The following ARHGAP22 variants were observed in gnomAD, a reference collection of about 807,000 sequenced individuals.
ARHGAP22 encodes rho GTPase-activating protein 22.
Under a neutral mutation model 59.1 loss-of-function variants are expected in ARHGAP22, and 48 were observed. The observed-to-expected ratio is 0.81, with a 90% CI of 0.64 to 1.03. The LOEUF (loss-of-function observed/expected upper bound fraction) is 1.03, where lower values mean the gene tolerates loss of function less well. Among genes scored for constraint, ARHGAP22 ranks in the 50% least tolerant of loss-of-function variants. The pLI, the probability that ARHGAP22 is intolerant of heterozygous loss-of-function variation, is 0.00. For missense variants in ARHGAP22, 1,015 were observed against 958.7 expected (o/e 1.06, Z -0.78); for synonymous variants, 445 against 416.4 (o/e 1.07, Z -0.84).
intron 5 of ARHGAP22, among the ~76,000 whole-genome samples, chr10:48,459,101 G>T (rs1318336683): frequency 1.3e-5 from 2 of 152,014 alleles, no homozygotes; most frequent in Non-Finnish European, 2.9e-5. Context: ...ACTGTCAGGG[G>T]AAACAGAATC....
At chr10:48,622,022 T>C (rs2061302892) in intron 1 of ARHGAP22, among the ~76,000 whole-genome samples, 1 of 152,178 alleles carries the variant, frequency 6.6e-6, no homozygotes, top group Non-Finnish European at 1.5e-5. Flanking sequence ...ATTCAACCTA[T>C]TTGTGTCTTT....
At chr10:48,568,619 C>A (rs973715899) in intron 2 of ARHGAP22, among the ~76,000 whole-genome samples, 1 of 152,254 alleles carries the variant, frequency 6.6e-6, no homozygotes, top group East Asian at 1.9e-4. Context: ...TTTCTCTGAT[C>A]TGGGACTCAG....
intron 3 of ARHGAP22, among the ~76,000 whole-genome samples, chr10:48,502,940 C>G (rs922584589): frequency 6.6e-6 from 1 of 152,206 alleles, no homozygotes; most frequent in Non-Finnish European, 1.5e-5. Flanking sequence ...TCCCGGGGGC[C>G]TACTGGGGTC....
At position 48,583,044 on chromosome 10, in the gene ARHGAP22, C is replaced by T. The variant is rs780187869; in HGVS notation, c.143G>A (p.Arg48Lys). The change falls in exon 2 of 10, where the codon AGG (arginine) becomes AAG (lysine). Residue 48 changes from arginine to lysine, a missense_variant. Coordinates refer to ENST00000249601, the MANE Select transcript of ARHGAP22 (RefSeq NM_021226.4). ...VLKAGWLKKQRSIMKNWQQRW... is the reference protein window; with the variant it reads ...VLKAGWLKKQKSIMKNWQQRW... ...CTGCTGCCAGTTCTTCATGATGCTCCTCTGCTTCTTCAGCCAGCCCGCCTT... is the reference window on the plus strand; with the variant it reads ...CTGCTGCCAGTTCTTCATGATGCTCTTCTGCTTCTTCAGCCAGCCCGCCTT... 52 of 1,614,168 alleles carry T rather than the reference C, an allele frequency of 3.2e-5. No homozygotes were observed. Among genetic ancestry groups the T allele is most frequent in the Admixed American group, 2.3e-4 (14 of 60,014 alleles).
chr10:48,566,680 C>G (rs1240389085), intron 2 of ARHGAP22, among the ~76,000 whole-genome samples: 1 of 152,184 alleles, frequency 6.6e-6, no homozygotes, highest in Non-Finnish European at 1.5e-5. Flanking sequence ...CTGGGAACGC[C>G]CTGCTTCTTC....
chr10:48,588,322 C>A (rs547029362), intron 1 of ARHGAP22, among the ~76,000 whole-genome samples: 2 of 152,344 alleles, frequency 1.3e-5, no homozygotes, highest in South Asian at 4.1e-4. Context: ...GCACTTCCTG[C>A]AGATGCTACT....
At chr10:48,483,651 C>A (rs1242120351) in intron 3 of ARHGAP22, among the ~76,000 whole-genome samples, 1 of 151,930 alleles carries the variant, frequency 6.6e-6, no homozygotes, top group Non-Finnish European at 1.5e-5. Context: ...CATTTCTCTG[C>A]ATTTTTTTCA....
At chr10:48,479,489 G>A (rs1446586720) in intron 4 of ARHGAP22, 147 bp downstream of exon 4, 30 of 1,455,378 alleles carry the variant, frequency 2.1e-5, no homozygotes, top group Non-Finnish European at 2.6e-5. Flanking sequence ...AGGGCTGGCA[G>A]TGGAAGGGCC....
At chr10:48,550,488 T>C (rs1231971850) in intron 3 of ARHGAP22, among the ~76,000 whole-genome samples, 1 of 152,216 alleles carries the variant, frequency 6.6e-6, no homozygotes, top group African/African-American at 2.4e-5. Flanking sequence ...TGCAACTGCA[T>C]TCTGGCCAAT....
intron 5 of ARHGAP22, 115 bp from the exon 6 acceptor site, chr10:48,455,249 G>A (rs540151030): frequency 1.2e-5 from 15 of 1,248,762 alleles, no homozygotes; most frequent in Admixed American, 8.0e-5. Context: ...ATTCTTGGGC[G>A]CACTGGGGGC....
intron 3 of ARHGAP22, among the ~76,000 whole-genome samples, chr10:48,506,573 A>G (rs1243658789): frequency 6.6e-6 from 1 of 152,166 alleles, no homozygotes; most frequent in Non-Finnish European, 1.5e-5. Context: ...CCAGACACGT[A>G]AGAAGTACCC....
chr10:48,604,437 A>T (rs2060562324), intron 1 of ARHGAP22, among the ~76,000 whole-genome samples: 1 of 152,232 alleles, frequency 6.6e-6, no homozygotes, highest in Admixed American at 6.5e-5. Context: ...TTTTTAGTAA[A>T]GAAGCAAAGT....
intron 3 of ARHGAP22, among the ~76,000 whole-genome samples, chr10:48,507,833 C>A (rs1314127541): frequency 1.4e-5 from 2 of 147,876 alleles, no homozygotes; most frequent in Non-Finnish European, 3.0e-5. Context: ...AGGAAGCCAC[C>A]AGTAACAGCC....
At chr10:48,584,327 A>T (rs924208064) in intron 1 of ARHGAP22, among the ~76,000 whole-genome samples, 1 of 152,104 alleles carries the variant, frequency 6.6e-6, no homozygotes, top group Non-Finnish European at 1.5e-5. Context: ...ACTAGCCTGG[A>T]CTTTTCTTCC....
intron 3 of ARHGAP22, among the ~76,000 whole-genome samples, chr10:48,521,235 C>A (rs930157444): frequency 6.6e-6 from 1 of 152,150 alleles, no homozygotes; most frequent in East Asian, 1.9e-4. Context: ...CACAGCATAT[C>A]ACACCCTCCC....
At chr10:48,651,670 C>G (rs1565063625) in intron 1 of ARHGAP22, among the ~76,000 whole-genome samples, 1 of 152,192 alleles carries the variant, frequency 6.6e-6, no homozygotes, top group Non-Finnish European at 1.5e-5. Context: ...ACCCAGCGAG[C>G]ACCTGCCTGT....
At chr10:48,598,472 G>A (rs1237327983) in intron 1 of ARHGAP22, among the ~76,000 whole-genome samples, 1 of 152,144 alleles carries the variant, frequency 6.6e-6, no homozygotes, top group East Asian at 1.9e-4. Context: ...TGGCACTGGG[G>A]GAAGAGTGTC....
At chr10:48,598,504 C>T (rs2060200561) in intron 1 of ARHGAP22, among the ~76,000 whole-genome samples, 1 of 152,212 alleles carries the variant, frequency 6.6e-6, no homozygotes, top group African/African-American at 2.4e-5. Flanking sequence ...GAACCCAGCT[C>T]TCCATAGATC....
chr10:48,536,551 C>T (rs1263609346), intron 3 of ARHGAP22, among the ~76,000 whole-genome samples: 1 of 152,216 alleles, frequency 6.6e-6, no homozygotes, highest in Non-Finnish European at 1.5e-5. Context: ...CTCTGTTTCC[C>T]CACTTCCTAC....
Sources: gnomAD v4.1 joint callset for allele counts (sites outside exome capture counted in the v4.1 genomes callset) on GRCh38, gnomAD v4.1.1 for gene constraint, MANE v1.5 for transcripts, NCBI Gene and HGNC (gene_info 2026-07-23, HGNC 2026-07-21) for gene names.